SEC14L1: variants seen among roughly 807,000 people sequenced by gnomAD.
SEC14L1 encodes the protein SEC14 like lipid binding 1.
Under a neutral mutation model 85.3 loss-of-function variants are expected in SEC14L1, and 48 were observed. The ratio of observed to expected loss-of-function variants is 0.56; its 90% CI spans 0.45 to 0.72. The LOEUF is 0.72. Among genes scored for constraint, SEC14L1 ranks in the 30% least tolerant of loss-of-function variants. The pLI is 0.00. For missense variants in SEC14L1, 682 were observed against 921.4 expected, an observed-to-expected ratio of 0.74 and a Z score of 3.36; for synonymous variants, 391 against 355.5, an observed-to-expected ratio of 1.10 and a Z score of -1.12.
At chr17:77,147,649 T>C (rs532249078) in intron 3 of SEC14L1, among the ~76,000 whole-genome samples, 27 of 152,168 alleles carry the variant, frequency 1.8e-4, no homozygotes, top group Admixed American at 3.3e-4. Flanking sequence ...CATACTATGC[T>C]TCTTCCTTCT....
At position 77,216,712 on chromosome 17, in the gene SEC14L1, C is replaced by A; in HGVS notation, c.*2689C>A. On this transcript the variant is annotated 3_prime_UTR_variant, in exon 17 of 17. Coordinates refer to ENST00000436233, the MANE Select transcript of SEC14L1 (RefSeq NM_001143998.2). ...TTCGGGAGTGGCATTCTTTTATACC[C>A]AAAGACTGTAGTGCATCTTGAAGAG... 1 of 1,411,142 alleles carries A rather than the reference C, an allele frequency of 7.1e-7. No homozygotes were observed. The highest frequency in any genetic ancestry group is 9.8e-7 in the Non-Finnish European group (1 of 1,016,616). 87.4% of individuals were successfully genotyped at this position (1,411,142 alleles called of 1,614,324 possible).
In SEC14L1 at chr17:77,190,955, A is replaced by G; in HGVS notation, c.213+3A>G. The G allele has an allele frequency of 1.2e-6, 2 of 1,613,598 alleles. No homozygotes were observed. The highest frequency in any genetic ancestry group is 1.3e-5 in the African/African-American group (1 of 74,912). ...ATGCACCCAGACTGCTGAAGAAGGT[A>G]AAGGTCGGAAAGGACGTCTTGGAGG... On this transcript the variant is annotated splice_donor_region_variant and intron_variant, in intron 4 of 16. Transcript: ENST00000436233.
At position 77,213,424 on chromosome 17, in the gene SEC14L1, C is replaced by T. The variant is rs747922714; in HGVS notation, c.1974C>T (p.Ser658=). The T allele has an allele frequency of 3.1e-6, 5 of 1,613,172 alleles. No individual in the cohort carries two copies. The highest frequency in any genetic ancestry group is 3.3e-4 in the Middle Eastern group (2 of 6,084). Residue 658 remains serine, a synonymous_variant, in exon 16 of 17, where the codon TCC becomes TCT. Transcript: ENST00000436233. This position sits in a 1 kb window ranked among gnomAD's most constrained non-coding sequence, Gnocchi z 7.1. ...CCCGGGTGGACGACGTGCTTGCGTC[C>T]CTGCAGGTCTCTTCGCACAAGTGTA... is the stretch of plus-strand genomic sequence containing the variant. ...SLPRVDDVLA[S]LQVSSHKCKV...
chr17:77,170,256 T>G (rs1189264115), intron 3 of SEC14L1, among the ~76,000 whole-genome samples: 1 of 152,000 alleles, frequency 6.6e-6, no homozygotes, highest in Non-Finnish European at 1.5e-5. Flanking sequence ...CTGGTTGGGG[T>G]GGGTCCTGGA....
intron 8 of SEC14L1, among the ~76,000 whole-genome samples, chr17:77,197,425 ACC>A (rs1480089524): frequency 6.6e-6 from 1 of 151,724 alleles, no homozygotes; most frequent in Non-Finnish European, 1.5e-5. Flanking sequence ...CATCATGAAA[ACC>A]CAACATGCTT....
intron 3 of SEC14L1, among the ~76,000 whole-genome samples, chr17:77,153,366 T>G (rs2082523718): frequency 6.6e-6 from 1 of 152,198 alleles, no homozygotes; most frequent in Admixed American, 6.5e-5. Context: ...TGAGCCTGGC[T>G]AGCAGTTCTG....
chr17:77,104,812 G>A (rs1971869868), intron 3 of SEC14L1, among the ~76,000 whole-genome samples: 1 of 145,580 alleles, frequency 6.9e-6, no homozygotes. Flanking sequence ...AAAAAAGAAA[G>A]TTTTTTTTTG....
chr17:77,139,864 C>A (rs1567887684), upstream of SEC14L1, among the ~76,000 whole-genome samples: 2 of 152,156 alleles, frequency 1.3e-5, no homozygotes, highest in South Asian at 4.1e-4. Flanking sequence ...ATGTAGGTGA[C>A]CCAGCTGGAA....
intron 3 of SEC14L1, among the ~76,000 whole-genome samples, chr17:77,163,103 C>T (rs534014229): frequency 1.2e-4 from 18 of 152,126 alleles, no homozygotes; most frequent in Non-Finnish European, 2.1e-4. Context: ...AGGGGATTGA[C>T]GTAGCTCCTG....
chr17:77,195,142 T>G (rs1975740896), intron 7 of SEC14L1: 2 of 551,472 alleles, frequency 3.6e-6, no homozygotes, highest in Admixed American at 6.8e-5. Flanking sequence ...ATTTTTATTC[T>G]TTTATGGATA....
At chr17:77,117,856 G>C (rs1402563381) in intron 3 of SEC14L1, among the ~76,000 whole-genome samples, 1 of 152,148 alleles carries the variant, frequency 6.6e-6, no homozygotes, top group Non-Finnish European at 1.5e-5. Flanking sequence ...CTTTTGCAGT[G>C]GGCCTCCATG....
At chr17:77,211,720 G>C (rs1205162325) in intron 14 of SEC14L1, 1 of 574,364 alleles carries the variant, frequency 1.7e-6, no homozygotes, top group Non-Finnish European at 3.1e-6. Context: ...GGACCTCTAG[G>C]TGCAGGTCAC....
At chr17:77,113,570 C>A (rs1011905211) in intron 3 of SEC14L1, among the ~76,000 whole-genome samples, 1 of 152,032 alleles carries the variant, frequency 6.6e-6, no homozygotes, top group African/African-American at 2.4e-5. Flanking sequence ...ATGGTGAAAC[C>A]CTGTCTCTAC....
At chr17:77,187,224 A>C (rs1021552950) in intron 3 of SEC14L1, among the ~76,000 whole-genome samples, 1 of 152,172 alleles carries the variant, frequency 6.6e-6, no homozygotes, top group Non-Finnish European at 1.5e-5. Context: ...TGCTCAACCC[A>C]TACAACCTTA....
At position 77,213,741 on chromosome 17, in the gene SEC14L1, C is replaced by A; in HGVS notation, c.2043-177C>A. ...GCTCACACTGCCGTCTGCGTGCAGG[C>A]TGTGGGAAGCCGGTCCCCCTGGTGG... On this transcript the variant is annotated intron_variant, in intron 16 of 16. Coordinates refer to ENST00000436233, the MANE Select transcript of SEC14L1 (RefSeq NM_001143998.2). This position sits in a 1 kb window ranked among gnomAD's most constrained non-coding sequence, Gnocchi z 7.1. The A allele has an allele frequency of 1.1e-6, 1 of 901,976 alleles. No individual in the cohort carries two copies. Among genetic ancestry groups the A allele is most frequent in the Non-Finnish European group, 1.8e-6 (1 of 565,410 alleles). The allele number at this position is 901,976 out of a possible 1,614,324, so 55.9% of individuals were successfully genotyped here.
intron 3 of SEC14L1, among the ~76,000 whole-genome samples, chr17:77,124,097 C>G (rs930624027): frequency 6.6e-6 from 1 of 152,134 alleles, no homozygotes; most frequent in African/African-American, 2.4e-5. Flanking sequence ...GGGGTGGTGG[C>G]TCACACCTAT....
intron 3 of SEC14L1, among the ~76,000 whole-genome samples, chr17:77,123,584 T>C (rs1004164337): frequency 6.6e-6 from 1 of 151,720 alleles, no homozygotes; most frequent in Non-Finnish European, 1.5e-5. Flanking sequence ...GCTATTTTCT[T>C]TGTTTTTTTT....
chr17:77,120,511 C>T (rs1374621905), intron 3 of SEC14L1, among the ~76,000 whole-genome samples: 1 of 151,438 alleles, frequency 6.6e-6, no homozygotes, highest in South Asian at 2.1e-4. Flanking sequence ...AAGTCTTGCT[C>T]TGTCGCCCAG....
chr17:77,150,608 C>T (rs748656151), intron 3 of SEC14L1, among the ~76,000 whole-genome samples: 3 of 152,244 alleles, frequency 2.0e-5, no homozygotes, highest in Non-Finnish European at 4.4e-5. Context: ...TGAGGAGACA[C>T]TGCTCTTCCT....
Sources: gnomAD v4.1 joint callset for allele counts (sites outside exome capture counted in the v4.1 genomes callset) on GRCh38, gnomAD v4.1.1 for gene constraint, Gnocchi (gnomAD v3.1) non-coding constraint, MANE v1.5 for transcripts, NCBI Gene and HGNC (gene_info 2026-07-23, HGNC 2026-07-21) for gene names.